Variants in KCNC2 observed in about 807,000 individuals in gnomAD.
KCNC2 encodes voltage-gated potassium channel KCNC2.
KCNC2 carries 21 observed loss-of-function variants against 44.5 expected under a neutral mutation model. That is an observed-to-expected ratio of 0.47 (90% confidence interval 0.33 to 0.68). The LOEUF is 0.68. Ranked by LOEUF, KCNC2 falls within the 30% of genes least tolerant of loss-of-function variation. The pLI is 0.01. For missense variants in KCNC2, 589 were observed against 826.2 expected (o/e 0.71, Z 3.52); for synonymous variants, 391 against 339.1 (o/e 1.15, Z -1.68).
chr12:75,084,274 T>TAGAC (rs1884776895), intron 2 of KCNC2, among the ~76,000 whole-genome samples: 1 of 129,412 alleles, frequency 7.7e-6, no homozygotes. Context: ...ATAGATTAGA[T>TAGAC]AGATAGATAG....
chr12:75,105,028 A>AGAGGTTTTATTCTGGTAGAG (rs1886669204), intron 2 of KCNC2, among the ~76,000 whole-genome samples: 1 of 152,208 alleles, frequency 6.6e-6, no homozygotes, highest in South Asian at 2.1e-4. Flanking sequence ...CTGCCCTCAG[A>AGAGGTTTTATTCTGGTAGAG]GAGGTTTTAT....
At chr12:75,106,246 G>T (rs1886772355) in intron 2 of KCNC2, among the ~76,000 whole-genome samples, 1 of 152,144 alleles carries the variant, frequency 6.6e-6, no homozygotes, top group Non-Finnish European at 1.5e-5. Flanking sequence ...AGTGAAATTG[G>T]GAGTTAGAAA....
intron 2 of KCNC2, among the ~76,000 whole-genome samples, chr12:75,132,100 C>T (rs1394063380): frequency 6.6e-6 from 1 of 152,048 alleles, no homozygotes; most frequent in African/African-American, 2.4e-5. Context: ...CAAGCTTCCA[C>T]TTTAAGGTTT....
At position 75,138,808 on chromosome 12, in the gene KCNC2, G is replaced by A. The variant is rs1390054135; in HGVS notation, c.687+68489C>T. Among the ~76,000 whole-genome samples, 3 of 151,782 alleles carry A rather than the reference G, an allele frequency of 2.0e-5. No homozygotes were observed. In the South Asian group the frequency reaches 6.2e-4, roughly 32 times the overall value. On this transcript the variant is annotated intron_variant, in intron 2 of 4. Transcript: ENST00000549446. ...ATCCTGGTTAACACGGTGAAACCCCGTCTCTACTAAAAAATACAAAAAATT... is the reference window on the plus strand; with the variant it reads ...ATCCTGGTTAACACGGTGAAACCCCATCTCTACTAAAAAATACAAAAAATT...
At chr12:75,084,123 AG>A (rs1452538534) in intron 2 of KCNC2, among the ~76,000 whole-genome samples, 1 of 151,938 alleles carries the variant, frequency 6.6e-6, no homozygotes. Context: ...AAAAATGTGG[AG>A]GTCAAGGAAA....
intron 2 of KCNC2, among the ~76,000 whole-genome samples, chr12:75,177,389 A>G (rs951947676): frequency 6.6e-6 from 1 of 151,990 alleles, no homozygotes; most frequent in African/African-American, 2.4e-5. Context: ...TTTTCTAGGA[A>G]TTTCTGAATT....
At chr12:75,179,758 A>AGTTTTT (rs1565668792) in intron 2 of KCNC2, among the ~76,000 whole-genome samples, 1 of 151,108 alleles carries the variant, frequency 6.6e-6, no homozygotes, top group Non-Finnish European at 1.5e-5. Context: ...TATCTTTTAT[A>AGTTTTT]AAAACTATAA....
chr12:75,149,923 G>T (rs191548107), intron 2 of KCNC2, among the ~76,000 whole-genome samples: 290 of 151,946 alleles, frequency 1.9e-3, no homozygotes, highest in Middle Eastern at 3.4e-3. Context: ...AACCAACAGA[G>T]TCAGTGCTTT....
At chr12:75,176,369 G>A (rs1892182402) in intron 2 of KCNC2, among the ~76,000 whole-genome samples, 1 of 151,988 alleles carries the variant, frequency 6.6e-6, no homozygotes, top group Non-Finnish European at 1.5e-5. Context: ...ACAGAAGCCA[G>A]ATCATGCCAT....
Position 75,138,979 on chromosome 12 carries a change from TAAA to T in KCNC2, c.687+68315_687+68317del, listed in dbSNP as rs373729570. Among the ~76,000 whole-genome samples the T allele has an allele frequency of 8.8e-3, 683 of 77,832 alleles. 10 individuals carry two copies. Among genetic ancestry groups the T allele is most frequent in the African/African-American group, 0.033 (604 of 18,468 alleles). The allele number at this position is 77,832 out of a possible 152,430, so 51.1% of individuals were successfully genotyped here. ...CTGGGCCACAGAGCGAGACTCCGTG[TAAA>T]AAAAAAAAAAAAAAAAAAAAAAAAC... On this transcript the variant is annotated intron_variant, in intron 2 of 4. Coordinates refer to ENST00000549446, the MANE Select transcript of KCNC2 (RefSeq NM_139137.4).
chr12:75,101,805 T>C (rs1886393087), intron 2 of KCNC2, among the ~76,000 whole-genome samples: 1 of 152,098 alleles, frequency 6.6e-6, no homozygotes, highest in Non-Finnish European at 1.5e-5. Flanking sequence ...AAAAATTGCA[T>C]ATATACATTC....
At chr12:75,079,437 A>G (rs1884283729) in intron 2 of KCNC2, among the ~76,000 whole-genome samples, 1 of 152,164 alleles carries the variant, frequency 6.6e-6, no homozygotes, top group Non-Finnish European at 1.5e-5. Flanking sequence ...TAAGAATGTA[A>G]TTTTTAATTG....
intron 2 of KCNC2, among the ~76,000 whole-genome samples, chr12:75,185,025 G>A (rs544153696): frequency 3.9e-5 from 6 of 152,202 alleles, no homozygotes; most frequent in South Asian, 4.1e-4. Context: ...GCATAAAGCC[G>A]GAAGAAAACG....
In KCNC2 at chr12:75,160,663, A is replaced by T. The variant is rs11180384; in HGVS notation, c.687+46634T>A. Among the ~76,000 whole-genome samples the T allele has an allele frequency of 0.013, 1,924 of 151,952 alleles. 165 individuals are homozygous for T. In the East Asian group the frequency reaches 0.22, roughly 18 times the overall value. On this transcript the variant is annotated intron_variant, in intron 2 of 4. Transcript: ENST00000549446. ...AGATGAAGGCGGTTTGTTTGAAAAC[A>T]ATATGCTTTTCTGGTAACAATGTTG...
At chr12:75,162,700 G>C (rs943190981) in intron 2 of KCNC2, among the ~76,000 whole-genome samples, 3 of 151,652 alleles carry the variant, frequency 2.0e-5, no homozygotes, top group Admixed American at 6.6e-5. Flanking sequence ...AGAGAAAACA[G>C]ACTCTTTGCT....
At chr12:75,118,096 T>C (rs79076170) in intron 2 of KCNC2, among the ~76,000 whole-genome samples, 1,683 of 152,316 alleles carry the variant, frequency 0.011, 32 homozygotes, top group African/African-American at 0.037. Flanking sequence ...GCAATGGCAT[T>C]TTTAGAGCTT....
intron 2 of KCNC2, among the ~76,000 whole-genome samples, chr12:75,185,839 A>G (rs1310263301): frequency 6.6e-6 from 1 of 152,044 alleles, no homozygotes; most frequent in Non-Finnish European, 1.5e-5. Flanking sequence ...TGAGGTCAGG[A>G]GTTCAAGACT....
At chr12:75,157,459 C>A (rs1412791723) in intron 2 of KCNC2, among the ~76,000 whole-genome samples, 3 of 151,874 alleles carry the variant, frequency 2.0e-5, no homozygotes, top group African/African-American at 7.2e-5. Flanking sequence ...CTTGCTTTGT[C>A]TTTTGGTTTC....
chr12:75,169,501 A>C (rs971420966), intron 2 of KCNC2, among the ~76,000 whole-genome samples: 43 of 151,724 alleles, frequency 2.8e-4, no homozygotes, highest in African/African-American at 9.2e-4. Context: ...TGGTTGTATA[A>C]TAAGATTACT....
Sources: allele counts gnomAD v4.1 joint callset (sites outside exome capture counted in the v4.1 genomes callset), GRCh38; gene constraint gnomAD v4.1.1; transcripts MANE v1.5; gene names NCBI Gene and HGNC (gene_info 2026-07-23, HGNC 2026-07-21).